GPC6: variants seen among roughly 807,000 people sequenced by gnomAD.
GPC6 encodes the protein glypican 6, also known as glypican-6.
In GPC6, 14 loss-of-function variants were observed where a neutral mutation model predicts 55.2. That is an observed-to-expected ratio of 0.25 (90% CI 0.17 to 0.40). The LOEUF (loss-of-function observed/expected upper bound fraction) is 0.40. GPC6 is among the 10% of genes least tolerant of loss of function. The pLI is 1.00. For missense variants in GPC6, 641 were observed against 708.5 expected (o/e 0.90, Z 1.08); for synonymous variants, 278 against 259.6 (o/e 1.07, Z -0.68).
At chr13:94,312,808 C>T (rs144625195) in intron 6 of GPC6, among the ~76,000 whole-genome samples, 236 of 152,236 alleles carry the variant, frequency 1.6e-3, no homozygotes, top group African/African-American at 5.3e-3. Context: ...CAACAGTAAG[C>T]TAGATTCTCC....
At chr13:93,509,250 G>A (rs1359948372) in intron 1 of GPC6, among the ~76,000 whole-genome samples, 1 of 152,130 alleles carries the variant, frequency 6.6e-6, no homozygotes, top group African/African-American at 2.4e-5. Flanking sequence ...CATTTTATCA[G>A]GCAACAAGTC....
chr13:93,930,086 A>G (rs767624341), intron 3 of GPC6, among the ~76,000 whole-genome samples: 3 of 151,914 alleles, frequency 2.0e-5, no homozygotes, highest in Non-Finnish European at 4.4e-5. Flanking sequence ...CAAAACACAC[A>G]CTGCTTTGGC....
At chr13:93,354,055 T>C (rs1880735487) in intron 1 of GPC6, among the ~76,000 whole-genome samples, 2 of 152,158 alleles carry the variant, frequency 1.3e-5, no homozygotes, top group African/African-American at 4.8e-5. Context: ...TTTCTAAAAA[T>C]CCGACAAGAA....
intron 3 of GPC6, among the ~76,000 whole-genome samples, chr13:93,908,921 C>G (rs1876816371): frequency 6.8e-6 from 1 of 146,106 alleles, no homozygotes; most frequent in Non-Finnish European, 1.5e-5. Flanking sequence ...GGCTTCCTGA[C>G]TCTGCTGTGT....
intron 3 of GPC6, among the ~76,000 whole-genome samples, chr13:93,997,416 G>C (rs1163874689): frequency 6.6e-6 from 1 of 152,124 alleles, no homozygotes; most frequent in African/African-American, 2.4e-5. Flanking sequence ...TACCCAATTA[G>C]TCCCAACATA....
chr13:93,256,743 C>T (rs749694897), intron 1 of GPC6, among the ~76,000 whole-genome samples: 2 of 152,148 alleles, frequency 1.3e-5, no homozygotes, highest in Admixed American at 6.5e-5. Context: ...TATATTACGG[C>T]TTTTCATTTA....
intron 2 of GPC6, among the ~76,000 whole-genome samples, chr13:93,789,161 A>C (rs1040420425): frequency 6.6e-6 from 1 of 152,250 alleles, no homozygotes; most frequent in East Asian, 1.9e-4. Context: ...TGAAAGAGAA[A>C]ATAAGAGCTC....
At chr13:93,938,273 T>C (rs1878543291) in intron 3 of GPC6, among the ~76,000 whole-genome samples, 1 of 152,216 alleles carries the variant, frequency 6.6e-6, no homozygotes, top group Non-Finnish European at 1.5e-5. Flanking sequence ...ATGTTAACTC[T>C]AGTCCATAAA....
intron 2 of GPC6, among the ~76,000 whole-genome samples, chr13:93,709,006 T>C (rs1406340489): frequency 6.6e-6 from 1 of 151,838 alleles, no homozygotes; most frequent in Admixed American, 6.6e-5. Flanking sequence ...TTATATACGA[T>C]GTATTGAAGG....
At chr13:93,900,091 G>A (rs1336581096) in intron 3 of GPC6, among the ~76,000 whole-genome samples, 1 of 152,114 alleles carries the variant, frequency 6.6e-6, no homozygotes, top group Non-Finnish European at 1.5e-5. Flanking sequence ...GATAGCTGAT[G>A]AAATTCGTGT....
intron 1 of GPC6, among the ~76,000 whole-genome samples, chr13:93,481,109 G>A (rs1030213514): frequency 6.6e-6 from 1 of 152,076 alleles, no homozygotes; most frequent in Non-Finnish European, 1.5e-5. Context: ...CTTGCTATTT[G>A]TCCCTTTGAT....
intron 1 of GPC6, among the ~76,000 whole-genome samples, chr13:93,378,573 T>G (rs538305565): frequency 3.9e-5 from 6 of 152,332 alleles, no homozygotes; most frequent in Non-Finnish European, 5.9e-5. Context: ...TCTATCCCTG[T>G]AGACTTGTGG....
At chr13:93,505,835 A>G (rs979730469) in intron 1 of GPC6, among the ~76,000 whole-genome samples, 1 of 152,214 alleles carries the variant, frequency 6.6e-6, no homozygotes, top group African/African-American at 2.4e-5. Context: ...GTGAATGACT[A>G]TGAAAGTGCT....
intron 4 of GPC6, among the ~76,000 whole-genome samples, chr13:94,248,891 C>T (rs1172404394): frequency 6.6e-6 from 1 of 152,106 alleles, no homozygotes; most frequent in Non-Finnish European, 1.5e-5. Context: ...AGTAATATAC[C>T]TCTTAAATGG....
intron 4 of GPC6, among the ~76,000 whole-genome samples, chr13:94,076,960 G>GTTTTTTTTTT (rs56870429): frequency 7.9e-6 from 1 of 126,108 alleles, no homozygotes; most frequent in Non-Finnish European, 1.7e-5. Context: ...TGGTGCTTCT[G>GTTTTTTTTTT]TTTTTTTTTT....
In GPC6 at chr13:93,464,486, G is replaced by A. The variant is rs997650548; in HGVS notation, c.161-80777G>A. Among the ~76,000 whole-genome samples, 5 of 152,150 alleles carry A rather than the reference G, an allele frequency of 3.3e-5. No homozygotes were observed. In the East Asian group the frequency reaches 5.8e-4, roughly 18 times the overall value. ...GTCACAGCATCTTCAGCAGGAGTGC[G>A]TTCCATCTCAAGAAACTGACATTTT... On this transcript the variant is annotated intron_variant, in intron 1 of 8. Transcript: ENST00000377047.
chr13:94,321,522 C>T (rs775628909), intron 6 of GPC6, among the ~76,000 whole-genome samples: 5 of 152,292 alleles, frequency 3.3e-5, no homozygotes, highest in Non-Finnish European at 5.9e-5. Context: ...AACTAATTTA[C>T]ACTCCCACCT....
At chr13:94,313,526 C>A (rs1594159208) in intron 6 of GPC6, among the ~76,000 whole-genome samples, 1 of 152,142 alleles carries the variant, frequency 6.6e-6, no homozygotes, top group Non-Finnish European at 1.5e-5. Flanking sequence ...GGGCTGTATA[C>A]CCTGGGGAGA....
At chr13:93,734,323 T>A (rs1485360577) in intron 2 of GPC6, among the ~76,000 whole-genome samples, 1 of 152,154 alleles carries the variant, frequency 6.6e-6, no homozygotes, top group African/African-American at 2.4e-5. Flanking sequence ...AATTGTAGAG[T>A]TATTGTTTCA....
Sources: allele counts gnomAD v4.1 joint callset (sites outside exome capture counted in the v4.1 genomes callset), GRCh38; gene constraint gnomAD v4.1.1; transcripts MANE v1.5; gene names NCBI Gene and HGNC (gene_info 2026-07-23, HGNC 2026-07-21).